Variants in ZNF292 observed in about 807,000 individuals in gnomAD.
ZNF292 encodes the protein 16 zinc-finger domain protein.
In ZNF292, 26 loss-of-function variants were observed where a neutral mutation model predicts 217.9. The observed-to-expected ratio is 0.12, with a 90% confidence interval of 0.09 to 0.17. The LOEUF is 0.17. Among genes scored for constraint, ZNF292 ranks in the 10% least tolerant of loss-of-function variants. The pLI is 1.00. For missense variants in ZNF292, 2,904 were observed against 3,175.2 expected, an observed-to-expected ratio of 0.91 and a Z score of 2.05; for synonymous variants, 1,257 against 1,124.1, an observed-to-expected ratio of 1.12 and a Z score of -2.37.
At chr6:87,179,671 A>T (rs928325495) in intron 1 of ZNF292, among the ~76,000 whole-genome samples, 2 of 152,132 alleles carry the variant, frequency 1.3e-5, no homozygotes, top group Non-Finnish European at 2.9e-5. Context: ...TCTGTTTATG[A>T]TGTAATTTTA....
intron 1 of ZNF292, among the ~76,000 whole-genome samples, chr6:87,208,807 C>A (rs1195731869): frequency 2.0e-5 from 3 of 152,080 alleles, no homozygotes; most frequent in African/African-American, 7.2e-5. Flanking sequence ...AATATTGGGT[C>A]TTTTCTTTTT....
At position 87,243,285 on chromosome 6, in the gene ZNF292, T is replaced by TG. The variant is rs1366290397; in HGVS notation, c.742-190_742-189insG. Among the ~76,000 whole-genome samples, 542 of 151,772 alleles carry TG rather than the reference T, an allele frequency of 3.6e-3. 2 individuals are homozygous for TG. The highest frequency in any genetic ancestry group is 0.013 in the African/African-American group (522 of 41,454). ...TCTACTGGCTATAAAGAAAGGTTTTTTTTTTTTTTTTTAACTGCAGCCAGT... is the reference window on the plus strand; with the variant it reads ...TCTACTGGCTATAAAGAAAGGTTTTTGTTTTTTTTTTTTAACTGCAGCCAGT... On this transcript the variant is annotated intron_variant, in intron 5 of 7. Coordinates refer to ENST00000369577, the MANE Select transcript of ZNF292 (RefSeq NM_015021.3).
In ZNF292 at chr6:87,190,434, G is replaced by A. The variant is rs181138752; in HGVS notation, c.169-25469G>A. ...ATCAGGAAATGGAGTTGTTAGGCCA[G>A]TGAATATGTATTTTCATTTTTTATT... On this transcript the variant is annotated intron_variant, in intron 1 of 7. Coordinates refer to ENST00000369577, the MANE Select transcript of ZNF292 (RefSeq NM_015021.3). 6.2e-4 allele frequency among the ~76,000 whole-genome samples: 94 copies of A among 152,064 alleles called. No homozygotes were observed. In the Middle Eastern group the frequency reaches 0.01, roughly 17 times the overall value.
intron 1 of ZNF292, among the ~76,000 whole-genome samples, chr6:87,160,415 G>T (rs2127768313): frequency 6.6e-6 from 1 of 152,124 alleles, no homozygotes; most frequent in Admixed American, 6.6e-5. Context: ...TGATCTGGTG[G>T]CTGACAGTTG....
At chr6:87,215,658 A>G (rs997779664) in intron 1 of ZNF292, among the ~76,000 whole-genome samples, 1 of 152,162 alleles carries the variant, frequency 6.6e-6, no homozygotes, top group Non-Finnish European at 1.5e-5. Context: ...GCCCTATTTA[A>G]AACTAGCCTT....
intron 7 of ZNF292, among the ~76,000 whole-genome samples, chr6:87,251,952 A>G (rs1774939403): frequency 6.6e-6 from 1 of 152,210 alleles, no homozygotes; most frequent in South Asian, 2.1e-4. Flanking sequence ...ATAGAATGTC[A>G]GTGGAATTCC....
chr6:87,246,736 C>T (rs9444486), intron 7 of ZNF292, among the ~76,000 whole-genome samples: 60,733 of 151,936 alleles, frequency 0.4, 12,460 homozygotes, highest in Admixed American at 0.53. Flanking sequence ...GAATTGATGG[C>T]GCCTGCCTGT....
intron 1 of ZNF292, among the ~76,000 whole-genome samples, chr6:87,179,860 C>CTTT (rs1275480090): frequency 1.3e-5 from 2 of 152,032 alleles, no homozygotes; most frequent in Admixed American, 1.3e-4. Flanking sequence ...CAGCAACAGC[C>CTTT]CAGTCAGATT....
chr6:87,252,146 T>G (rs1774951358), intron 7 of ZNF292, among the ~76,000 whole-genome samples: 1 of 151,866 alleles, frequency 6.6e-6, no homozygotes. Flanking sequence ...GTTTGTTTTT[T>G]TTTTGTTTTT....
At position 87,257,454 on chromosome 6, in the gene ZNF292, C is replaced by G. The variant is rs1775291623; in HGVS notation, c.3825C>G (p.Phe1275Leu). ...CAGAAAGTAGTTCAATGTCTCTCTT[C>G]CCTTCACCAGCAGATAGTGGGACTA... is the stretch of plus-strand genomic sequence containing the variant. ...LPAESSSMSL[F>L]PSPADSGTNS... The change falls in exon 8 of 8, where the codon TTC becomes TTG. Residue 1275 changes from phenylalanine to leucine, a missense_variant. By Grantham distance (22) the Phe-to-Leu change is conservative. Around this residue, in one of 15 missense-constraint regions of ZNF292, gnomAD observed 687 missense variants for 623.0 expected, o/e 1.10. Transcript: ENST00000369577. 2 of 1,613,388 alleles carry G rather than the reference C, an allele frequency of 1.2e-6. No individual in the cohort carries two copies. Among genetic ancestry groups the G allele is most frequent in the Non-Finnish European group, 1.7e-6 (2 of 1,179,678 alleles).
At chr6:87,203,916 G>A (rs1052679231) in intron 1 of ZNF292, among the ~76,000 whole-genome samples, 1 of 152,130 alleles carries the variant, frequency 6.6e-6, no homozygotes, top group Non-Finnish European at 1.5e-5. Context: ...GTTCCAGCAT[G>A]CCGAGTCAAA....
In ZNF292 at chr6:87,226,801, C is replaced by T. The variant is rs1773376539; in HGVS notation, c.539-6524C>T. 3.3e-5 allele frequency among the ~76,000 whole-genome samples: 5 copies of T among 151,856 alleles called. No individual in the cohort carries two copies. The South Asian group carries it at 1.0e-3, about 31-fold the overall frequency. On this transcript the variant is annotated intron_variant, in intron 4 of 7. Coordinates refer to ENST00000369577, the MANE Select transcript of ZNF292 (RefSeq NM_015021.3). ...TCAAGCGATTCTCCTCCCTTAGCCT[C>T]CCGAGTAGCGGGGACTACAGGCATG... is the stretch of plus-strand genomic sequence containing the variant.
Position 87,255,823 on chromosome 6 carries a change from G to T in ZNF292, c.2194G>T (p.Val732Leu). Residue 732 changes from valine to leucine, a missense_variant, in exon 8 of 8, where the codon GTG becomes TTG. Coordinates refer to ENST00000369577, the MANE Select transcript of ZNF292 (RefSeq NM_015021.3). ...VICQYCRRHF[V>L]SVTHLNDHLQ... ...TTGCCAGTACTGTAGGCGGCATTTT[G>T]TGAGTGTTACTCATCTCAATGATCA... is the stretch of plus-strand genomic sequence containing the variant. 1 of 1,613,822 alleles carries T rather than the reference G, an allele frequency of 6.2e-7. No homozygotes were observed. The highest frequency in any genetic ancestry group is 1.6e-4 in the Middle Eastern group (1 of 6,062).
Position 87,259,186 on chromosome 6 carries a change from C to G in ZNF292, c.5557C>G (p.Leu1853Val), listed in dbSNP as rs1485530208. The G allele has an allele frequency of 3.1e-6, 5 of 1,613,564 alleles. No homozygotes were observed. The East Asian group carries it at 8.9e-5, about 29-fold the overall frequency. ...GLQKLKLENDLSTPASQCVLI... is the reference protein window; with the variant it reads ...GLQKLKLENDVSTPASQCVLI... Reference sequence around the variant, plus strand: ...ACAGAAATTAAAATTAGAAAATGACCTATCCACTCCAGCATCCCAATGTGT... The same window carrying G: ...ACAGAAATTAAAATTAGAAAATGACGTATCCACTCCAGCATCCCAATGTGT... Residue 1853 changes from leucine (L) to valine (V), a missense_variant, in exon 8 of 8, where the codon CTA (leucine) becomes GTA (valine). This residue lies in a region of ZNF292 where 622 missense variants were observed against 573.1 expected (regional missense o/e 1.09). Coordinates refer to ENST00000369577, the MANE Select transcript of ZNF292 (RefSeq NM_015021.3).
At chr6:87,234,620 C>T (rs1773811749) in intron 5 of ZNF292, among the ~76,000 whole-genome samples, 1 of 151,860 alleles carries the variant, frequency 6.6e-6, no homozygotes, top group Non-Finnish European at 1.5e-5. Context: ...GTTCAGTGGG[C>T]ACTGAATGTG....
At chr6:87,229,687 A>G (rs1033406282) in intron 4 of ZNF292, among the ~76,000 whole-genome samples, 4 of 152,158 alleles carry the variant, frequency 2.6e-5, no homozygotes, top group African/African-American at 9.7e-5. Flanking sequence ...TGGCCTCCCA[A>G]AGTGCTGGGA....
rs569370065 is a variant in ZNF292, at chr6:87,157,006, T to C, written c.168+1247T>C. Among the ~76,000 whole-genome samples the C allele has an allele frequency of 3.3e-5, 5 of 152,354 alleles. No individual in the cohort carries two copies. The East Asian group carries it at 9.6e-4, about 29-fold the overall frequency. On this transcript the variant is annotated intron_variant, in intron 1 of 7. Transcript: ENST00000369577. ...TTTTGGAAAAATACTGATCTTAACG[T>C]AGAACAATGGTTGACCATTTTAGCT...
intron 1 of ZNF292, among the ~76,000 whole-genome samples, chr6:87,179,473 A>G (rs999609479): frequency 3.3e-5 from 5 of 152,044 alleles, no homozygotes; most frequent in Non-Finnish European, 5.9e-5. Context: ...TGTGGACTCT[A>G]TATGGTATAA....
chr6:87,195,117 T>C (rs1444396479), intron 1 of ZNF292, among the ~76,000 whole-genome samples: 1 of 152,202 alleles, frequency 6.6e-6, no homozygotes, highest in African/African-American at 2.4e-5. Context: ...TGTAAACAGG[T>C]TACAGATAGG....
Sources: gnomAD v4.1 joint callset for allele counts (sites outside exome capture counted in the v4.1 genomes callset) on GRCh38, gnomAD v4.1.1 for gene constraint, gnomAD v4.1.1 regional missense constraint, MANE v1.5 for transcripts, NCBI Gene and HGNC (gene_info 2026-07-23, HGNC 2026-07-21) for gene names.